The following AK7 variants were observed in gnomAD, a reference collection of about 807,000 sequenced individuals.
AK7 encodes the protein ATP-AMP transphosphorylase 7.
Under a neutral mutation model 96.6 loss-of-function variants are expected in AK7, and 78 were observed. The ratio of observed to expected loss-of-function variants is 0.81; its 90% CI spans 0.67 to 0.97. AK7 has a LOEUF of 0.97. Ranked by LOEUF, AK7 falls within the 50% of genes least tolerant of loss-of-function variation. AK7 has a pLI of 0.00. For missense variants in AK7, 855 were observed against 887.9 expected (o/e 0.96, Z 0.47); for synonymous variants, 302 against 317.2 (o/e 0.95, Z 0.51).
intron 9 of AK7, 54 bp downstream of exon 9, chr14:96,449,933 GTATT>G (rs1336925252): frequency 9.9e-6 from 13 of 1,318,774 alleles, no homozygotes; most frequent in Non-Finnish European, 1.3e-5. Context: ...ATAATATGGA[GTATT>G]GTTATTTTTT....
Position 96,446,505 on chromosome 14 carries a change from G to C in AK7, c.780-12G>C. On this transcript the variant is annotated splice_polypyrimidine_tract_variant and intron_variant, in intron 7 of 17. Coordinates refer to ENST00000267584, the MANE Select transcript of AK7 (RefSeq NM_152327.5). ...TTTCCCTTTGATGATTATTTTACCT[G>C]TGGGTCTGCAGAGTGATACAAAACG... 2 of 1,612,170 alleles carry C rather than the reference G, an allele frequency of 1.2e-6. No individual in the cohort carries two copies. The highest frequency in any genetic ancestry group is 1.7e-6 in the Non-Finnish European group (2 of 1,178,284).
intron 7 of AK7, among the ~76,000 whole-genome samples, chr14:96,444,376 A>G (rs1017764883): frequency 6.6e-6 from 1 of 152,316 alleles, no homozygotes; most frequent in South Asian, 2.1e-4. Context: ...ACGTCCAAAC[A>G]TAAATTAGAG....
intron 14 of AK7, among the ~76,000 whole-genome samples, chr14:96,474,114 G>A (rs147210517): frequency 1.3e-5 from 2 of 152,236 alleles, no homozygotes; most frequent in African/African-American, 2.4e-5. Context: ...TCATATGATC[G>A]CTAGAAGAAA....
At chr14:96,482,508 G>C (rs1895556051) in intron 15 of AK7, among the ~76,000 whole-genome samples, 4 of 152,116 alleles carry the variant, frequency 2.6e-5, no homozygotes, top group African/African-American at 9.7e-5. Flanking sequence ...ACATTTTTCA[G>C]ATATTCTGGA....
At chr14:96,463,270 C>T (rs774725349) in intron 12 of AK7, among the ~76,000 whole-genome samples, 7 of 152,170 alleles carry the variant, frequency 4.6e-5, no homozygotes, top group Non-Finnish European at 8.8e-5. Flanking sequence ...CGCTGTTTCA[C>T]ATACCATCTT....
At chr14:96,437,674 T>G (rs1382422834) in intron 5 of AK7, among the ~76,000 whole-genome samples, 161 bp from the exon 6 acceptor site, 1 of 152,228 alleles carries the variant, frequency 6.6e-6, no homozygotes, top group African/African-American at 2.4e-5. Context: ...GGGTGTCGTT[T>G]CTCTCTTTAA....
At chr14:96,453,835 G>T (rs1056699505) in intron 10 of AK7, among the ~76,000 whole-genome samples, 1 of 152,142 alleles carries the variant, frequency 6.6e-6, no homozygotes, top group Admixed American at 6.5e-5. Flanking sequence ...CCCTTGGTCC[G>T]TGGACAAATG....
chr14:96,417,419 G>T (rs1274121664), intron 4 of AK7, among the ~76,000 whole-genome samples: 1 of 152,190 alleles, frequency 6.6e-6, no homozygotes, highest in Non-Finnish European at 1.5e-5. Flanking sequence ...TGTTTACGAG[G>T]ACAGTTAATT....
intron 10 of AK7, among the ~76,000 whole-genome samples, chr14:96,454,468 A>T (rs1893778759): frequency 1.3e-5 from 2 of 151,480 alleles, no homozygotes; most frequent in South Asian, 4.2e-4. Flanking sequence ...GTATGTTTTT[A>T]AAAATTAGAA....
In AK7 at chr14:96,456,480, C is replaced by G. The variant is rs1475812071; in HGVS notation, c.1227+5C>G. The G allele has an allele frequency of 6.2e-7, 1 of 1,612,690 alleles. No individual in the cohort carries two copies. The highest frequency in any genetic ancestry group is 1.7e-5 in the Admixed American group (1 of 59,926). ...TCTGAAGCCATAGCAAAACTGGTAA[C>G]ACTTTAAACTATTTTCCTGGGCATT... On this transcript the variant is annotated splice_donor_5th_base_variant and intron_variant, in intron 11 of 17. Coordinates refer to ENST00000267584, the MANE Select transcript of AK7 (RefSeq NM_152327.5).
In AK7 at chr14:96,420,108, C is replaced by T. The variant is rs551094795; in HGVS notation, c.499-714C>T. ...CTCGAACTCCAGACGTCAGGTAATCCGCCCACCTTGGCCTCCCAAAGTGCT... is the reference window on the plus strand; with the variant it reads ...CTCGAACTCCAGACGTCAGGTAATCTGCCCACCTTGGCCTCCCAAAGTGCT... On this transcript the variant is annotated intron_variant, in intron 4 of 17. Transcript: ENST00000267584. 5.3e-5 allele frequency among the ~76,000 whole-genome samples: 8 copies of T among 151,822 alleles called. No individual in the cohort carries two copies. The South Asian group carries it at 1.0e-3, about 20-fold the overall frequency.
intron 7 of AK7, among the ~76,000 whole-genome samples, chr14:96,443,797 G>A (rs1893084831): frequency 4.5e-5 from 1 of 22,182 alleles, no homozygotes; most frequent in Non-Finnish European, 8.7e-5. Flanking sequence ...TTTTTGAGAT[G>A]GAGTCTCACT....
intron 5 of AK7, among the ~76,000 whole-genome samples, chr14:96,426,593 G>A (rs908599689): frequency 1.3e-5 from 2 of 152,134 alleles, no homozygotes; most frequent in African/African-American, 4.8e-5. Context: ...TGTAGGACAG[G>A]TCTGGTATTG....
intron 6 of AK7, among the ~76,000 whole-genome samples, chr14:96,438,388 C>T (rs1892768988): frequency 6.6e-6 from 1 of 152,002 alleles, no homozygotes; most frequent in Non-Finnish European, 1.5e-5. Flanking sequence ...GCTGTTATAT[C>T]TTATATAGGA....
At chr14:96,470,701 C>T (rs569464633) in intron 12 of AK7, among the ~76,000 whole-genome samples, 43 of 152,194 alleles carry the variant, frequency 2.8e-4, no homozygotes, top group African/African-American at 9.6e-4. Context: ...CTTTGAGGGT[C>T]GGGTCAAGTT....
At chr14:96,454,117 G>T (rs900455808) in intron 10 of AK7, among the ~76,000 whole-genome samples, 1 of 152,156 alleles carries the variant, frequency 6.6e-6, no homozygotes, top group African/African-American at 2.4e-5. Flanking sequence ...GAACCATCCT[G>T]TGTGCTGCCT....
rs781743363 is a variant in AK7, at chr14:96,398,212, G to T, written c.243G>T (p.Thr81=). 6.2e-7 allele frequency: 1 copy of T among 1,613,800 alleles called. No individual in the cohort carries two copies. Among genetic ancestry groups the T allele is most frequent in the Non-Finnish European group, 8.5e-7 (1 of 1,180,038 alleles). ...VKEGTFQIVG[T]LSKPDSPRPD... ...AAGGCACATTCCAGATTGTGGGCAC[G>T]CTGTCCAAGCCTGACAGCCCGCGGC... The change falls in exon 2 of 18, where the codon ACG becomes ACT. Residue 81 remains threonine (T), a synonymous_variant. Coordinates refer to ENST00000267584, the MANE Select transcript of AK7 (RefSeq NM_152327.5).
chr14:96,392,290 G>T, intron 1 of AK7, 31 bp downstream of exon 1: 1 of 1,571,402 alleles, frequency 6.4e-7, no homozygotes, highest in Non-Finnish European at 8.8e-7. Flanking sequence ...AGAGCCTCAC[G>T]CCAGCTCTCA....
intron 1 of AK7, among the ~76,000 whole-genome samples, chr14:96,396,912 C>A (rs6575583): frequency 6.6e-6 from 1 of 152,108 alleles, no homozygotes; most frequent in Non-Finnish European, 1.5e-5. Flanking sequence ...AACAGCAATA[C>A]CCCATTTCTA....
Sources: allele counts gnomAD v4.1 joint callset (sites outside exome capture counted in the v4.1 genomes callset), GRCh38; gene constraint gnomAD v4.1.1; transcripts MANE v1.5; gene names NCBI Gene and HGNC (gene_info 2026-07-23, HGNC 2026-07-21).